The following BZW2 variants were observed in gnomAD, a reference collection of about 807,000 sequenced individuals.
BZW2 encodes eIF5-mimic protein 1.
In BZW2, 23 loss-of-function variants were observed where a neutral mutation model predicts 53.2. That is an observed-to-expected ratio of 0.43 (90% CI 0.31 to 0.61). BZW2 has a LOEUF of 0.61. Ranked by LOEUF, BZW2 falls within the 20% of genes least tolerant of loss-of-function variation. BZW2 has a pLI of 0.09. For missense variants in BZW2, 409 were observed against 503.1 expected, an observed-to-expected ratio of 0.81 and a Z score of 1.79; for synonymous variants, 227 against 186.4, an observed-to-expected ratio of 1.22 and a Z score of -1.77.
At chr7:16,657,019 A>G (rs1181342846) in intron 1 of BZW2, among the ~76,000 whole-genome samples, 2 of 152,122 alleles carry the variant, frequency 1.3e-5, no homozygotes, top group African/African-American at 4.8e-5. Flanking sequence ...GGAGTCAGCC[A>G]TTTATCCAAG....
intron 8 of BZW2, among the ~76,000 whole-genome samples, chr7:16,695,713 C>CT (rs1406298347): frequency 6.6e-6 from 1 of 152,008 alleles, no homozygotes; most frequent in Non-Finnish European, 1.5e-5. Flanking sequence ...AGCGTCCTTT[C>CT]TTTTTTTCCA....
chr7:16,687,505 C>T (rs1253640622), intron 6 of BZW2: 3 of 151,942 alleles, frequency 2.0e-5, no homozygotes, highest in Non-Finnish European at 2.9e-5. Context: ...TTGCTTGAGG[C>T]CAGGAGTTTG....
At chr7:16,700,379 A>T (rs1783629947) in intron 10 of BZW2, among the ~76,000 whole-genome samples, 1 of 152,094 alleles carries the variant, frequency 6.6e-6, no homozygotes, top group Non-Finnish European at 1.5e-5. Context: ...TATTTTGTCC[A>T]CCAAACACTT....
chr7:16,663,214 A>G (rs1782320002), intron 1 of BZW2, among the ~76,000 whole-genome samples: 1 of 152,188 alleles, frequency 6.6e-6, no homozygotes, highest in African/African-American at 2.4e-5. Flanking sequence ...TGTTGCCCCC[A>G]TACACATAAG....
rs142439292 is a variant in BZW2, at chr7:16,688,173, G to A, written c.542-1624G>A. On this transcript the variant is annotated intron_variant, in intron 6 of 11. Coordinates refer to ENST00000258761, the MANE Select transcript of BZW2 (RefSeq NM_014038.3). ...GGGTCAAATTGGTATATAAGGACAT[G>A]GATTTCTTATGTAACAATAAATAGA... Among the ~76,000 whole-genome samples the A allele has an allele frequency of 5.4e-3, 817 of 152,164 alleles. 13 individuals are homozygous for A. The highest frequency in any genetic ancestry group is 0.018 in the African/African-American group (762 of 41,522).
chr7:16,678,921 G>T (rs1782853106), intron 3 of BZW2, among the ~76,000 whole-genome samples: 1 of 152,116 alleles, frequency 6.6e-6, no homozygotes, highest in Admixed American at 6.6e-5. Flanking sequence ...GGGTCACAGA[G>T]ATCACATGCT....
intron 1 of BZW2, among the ~76,000 whole-genome samples, chr7:16,652,768 G>A (rs985826540): frequency 6.6e-6 from 1 of 152,104 alleles, no homozygotes; most frequent in African/African-American, 2.4e-5. Flanking sequence ...CAGGTGATTC[G>A]CCCGCCTTGG....
chr7:16,697,384 C>T (rs769941549), intron 9 of BZW2, among the ~76,000 whole-genome samples: 17 of 152,192 alleles, frequency 1.1e-4, no homozygotes, highest in Admixed American at 2.6e-4. Flanking sequence ...GCCACCACGC[C>T]GGGCCCAAAT....
chr7:16,656,760 A>G (rs1347780723), intron 1 of BZW2, among the ~76,000 whole-genome samples: 1 of 152,066 alleles, frequency 6.6e-6, no homozygotes, highest in Non-Finnish European at 1.5e-5. Context: ...GTACTGAAAA[A>G]TTTGTTTTCT....
chr7:16,646,202 ACTGCTG>A lies in BZW2; in HGVS notation c.-77_-72del. On this transcript the variant is annotated 5_prime_UTR_variant, in exon 1 of 12. Transcript: ENST00000258761. ...CTTCACTCCTCCATTGTCTGCCGCC[ACTGCTG>A]CTGCTGCTGCTGCTGCCGCTGCTGC... The A allele has an allele frequency of 6.2e-5, 21 of 337,316 alleles. No individual in the cohort carries two copies. Among genetic ancestry groups the A allele is most frequent in the Non-Finnish European group, 7.2e-5 (12 of 166,148 alleles). The allele number at this position is 337,316 out of a possible 1,614,324, so 20.9% of individuals were successfully genotyped here. A position where few individuals can be genotyped will look rare whatever the true frequency, so the allele number is the denominator to read the frequency against.
intron 3 of BZW2, among the ~76,000 whole-genome samples, chr7:16,677,036 C>T (rs1043766271): frequency 6.7e-6 from 1 of 149,252 alleles, no homozygotes; most frequent in African/African-American, 2.5e-5. Flanking sequence ...AGATTTATCT[C>T]TGTAGCCCAG....
intron 2 of BZW2, among the ~76,000 whole-genome samples, chr7:16,670,054 A>G (rs1204944655): frequency 6.6e-6 from 1 of 152,190 alleles, no homozygotes; most frequent in African/African-American, 2.4e-5. Flanking sequence ...CCATTTTCTT[A>G]TATGGGAATT....
rs748090719 is a variant in BZW2 at position 16,685,932 on chromosome 7, G to A, written c.433G>A (p.Glu145Lys). ...KLLLFLKAFS[E>K]TEQTKLAMLS... ...TCTCCTCTTCCTTAAAGCCTTTTCC[G>A]AAACAGAGCAGACAAAGTTGGCGAT... The change falls in exon 6 of 12, where the codon GAA becomes AAA. Residue 145 changes from glutamate to lysine, a missense_variant. Coordinates refer to ENST00000258761, the MANE Select transcript of BZW2 (RefSeq NM_014038.3). 11 of 1,521,338 alleles carry A rather than the reference G, an allele frequency of 7.2e-6. No individual in the cohort carries two copies. The highest frequency in any genetic ancestry group is 1.2e-5 in the South Asian group (1 of 83,242). 94.2% of individuals were successfully genotyped at this position (1,521,338 alleles called of 1,614,324 possible). A position where few individuals can be genotyped will look rare whatever the true frequency, so the allele number is the denominator to read the frequency against.
chr7:16,687,103 T>C (rs1403900447), intron 6 of BZW2: 4 of 152,220 alleles, frequency 2.6e-5, no homozygotes, highest in African/African-American at 7.2e-5. Context: ...CTAGTTTTTT[T>C]AAAAACCTAA....
rs185421582 is a variant in BZW2, at chr7:16,686,963, T to G, written c.541+923T>G. 40 of 152,296 alleles carry G rather than the reference T, an allele frequency of 2.6e-4. No individual in the cohort carries two copies. The East Asian group carries it at 7.3e-3, about 28-fold the overall frequency. 9.4% of individuals were successfully genotyped at this position (152,296 alleles called of 1,614,324 possible). ...TTTAAAGTATTTCCCTGAAGAAAAT[T>G]CACAATACAACACACATCTTATTTT... On this transcript the variant is annotated intron_variant, in intron 6 of 11. Coordinates refer to ENST00000258761, the MANE Select transcript of BZW2 (RefSeq NM_014038.3).
intron 7 of BZW2, among the ~76,000 whole-genome samples, chr7:16,693,348 C>A (rs1313696248): frequency 3.9e-5 from 6 of 152,198 alleles, no homozygotes; most frequent in African/African-American, 1.4e-4. Context: ...GTATTATATA[C>A]TATTCATAAG....
In BZW2 at chr7:16,689,851, A is replaced by G; in HGVS notation, c.596A>G (p.Asp199Gly). The change falls in exon 7 of 12, where the codon GAT (aspartate) becomes GGT (glycine). Residue 199 changes from aspartate to glycine, a missense_variant. Physicochemically the swap from Asp to Gly is moderately conservative, Grantham distance 94. Transcript: ENST00000258761. ...TTCAAAGCATGGATGGCAGAAAAAG[A>G]TGCCAACTCTGTTACCTCGTCTTTG... ...KLFKAWMAEK[D>G]ANSVTSSLRK... 6.2e-7 allele frequency: 1 copy of G among 1,612,322 alleles called. No individual in the cohort carries two copies. Among genetic ancestry groups the G allele is most frequent in the Non-Finnish European group, 8.5e-7 (1 of 1,179,150 alleles).
At position 16,669,719 on chromosome 7, in the gene BZW2, C is replaced by T. The variant is rs542903839; in HGVS notation, c.58+4218C>T. Among the ~76,000 whole-genome samples, 15 of 152,248 alleles carry T rather than the reference C, an allele frequency of 9.9e-5. No homozygotes were observed. The East Asian group carries it at 2.3e-3, about 23-fold the overall frequency. On this transcript the variant is annotated intron_variant, in intron 2 of 11. Transcript: ENST00000258761. ...CAGTAAGCAAGTTAGGTAATGTATA[C>T]GCATATTTGAGTGTCAGAATTAGGC...
chr7:16,703,145 G>T (rs1783721548), intron 10 of BZW2, among the ~76,000 whole-genome samples: 1 of 152,104 alleles, frequency 6.6e-6, no homozygotes, highest in African/African-American at 2.4e-5. Context: ...TTTTATCTCA[G>T]TGGAGAGCTG....
Sources: allele counts gnomAD v4.1 joint callset (sites outside exome capture counted in the v4.1 genomes callset), GRCh38; gene constraint gnomAD v4.1.1; transcripts MANE v1.5; gene names NCBI Gene and HGNC (gene_info 2026-07-23, HGNC 2026-07-21).